Variants in CASS4 observed in about 807,000 individuals in gnomAD.
The protein encoded by CASS4 is Cas scaffold protein family member 4.
CASS4 carries 22 observed loss-of-function variants against 54.2 expected under a neutral mutation model. The observed-to-expected ratio is 0.41, with a 90% CI of 0.29 to 0.58. The LOEUF (loss-of-function observed/expected upper bound fraction) is 0.58. Ranked by LOEUF, CASS4 falls within the 20% of genes least tolerant of loss-of-function variation. CASS4 has a pLI of 0.36. For missense variants in CASS4, 854 were observed against 986.7 expected, an observed-to-expected ratio of 0.87 and a Z score of 1.80; for synonymous variants, 409 against 391.5, an observed-to-expected ratio of 1.04 and a Z score of -0.53.
intron 2 of CASS4, among the ~76,000 whole-genome samples, chr20:56,440,942 GCTCCCTTCCTTCC>G (rs1253787132): frequency 7.3e-5 from 11 of 150,744 alleles, no homozygotes; most frequent in Non-Finnish European, 3.0e-5. Flanking sequence ...CTACAAGTTT[GCTCCCTTCCTTCC>G]CTCCCTTCCT....
In CASS4 at chr20:56,414,469, G is replaced by A. The variant is rs1337467524; in HGVS notation, c.36+1975G>A. On this transcript the variant is annotated intron_variant, in intron 1 of 5. Transcript: ENST00000679887. The surrounding 1 kb of genome is among the most constrained non-coding windows in gnomAD (Gnocchi z 4.1). The stretch of plus-strand genomic sequence containing the variant: ...TTAAAAAAAATATTTTTAGCAATGG[G>A]GGTATCACTCTGTTGTCCAAGCTGG... 1.3e-5 allele frequency among the ~76,000 whole-genome samples: 2 copies of A among 151,884 alleles called. No homozygotes were observed. Among genetic ancestry groups the A allele is most frequent in the African/African-American group, 2.4e-5 (1 of 41,330 alleles).
intron 5 of CASS4, among the ~76,000 whole-genome samples, chr20:56,457,835 T>C (rs952172501): frequency 2.0e-5 from 3 of 151,994 alleles, no homozygotes; most frequent in African/African-American, 7.2e-5. Flanking sequence ...GCCAACATGG[T>C]GAAACCCCAT....
In CASS4 at chr20:56,412,743, G is replaced by A. The variant is rs963860122; in HGVS notation, c.36+249G>A. The stretch of plus-strand genomic sequence containing the variant: ...GAAATCAGCTTACTTGGTTGACAGC[G>A]CCGTCCATCATTTTGCGTCCAGCAA... On this transcript the variant is annotated intron_variant, in intron 1 of 5. Transcript: ENST00000679887. This position sits in a 1 kb window ranked among gnomAD's most constrained non-coding sequence, Gnocchi z 4.2. Among the ~76,000 whole-genome samples, 21 of 152,160 alleles carry A rather than the reference G, an allele frequency of 1.4e-4. No individual in the cohort carries two copies. Among genetic ancestry groups the A allele is most frequent in the African/African-American group, 4.6e-4 (19 of 41,444 alleles).
intron 2 of CASS4, among the ~76,000 whole-genome samples, chr20:56,441,333 G>A (rs918275212): frequency 2.6e-5 from 4 of 151,126 alleles, no homozygotes; most frequent in East Asian, 2.0e-4. Context: ...GGCTGGGTGC[G>A]GTGGCTCACA....
chr20:56,450,688 G>T lies in CASS4; in HGVS notation c.642+9G>T. ...CAGACAGCCAAGCAAGTGTAAGTAT[G>T]AAGAGGTGCTAAGGTGCGGTGTTAT... On this transcript the variant is annotated intron_variant, in intron 4 of 5. Transcript: ENST00000679887. 1.2e-6 allele frequency: 2 copies of T among 1,613,488 alleles called. No individual in the cohort carries two copies. The highest frequency in any genetic ancestry group is 1.7e-6 in the Non-Finnish European group (2 of 1,179,472).
Position 56,437,480 on chromosome 20 carries a change from G to A in CASS4, c.353G>A (p.Ser118Asn), listed in dbSNP as rs759957814. ...GGCCCCGTTTATGAGCAGATGAGGA[G>A]TTGGGCGGAGGGGCCCCAGCCCCCT... ...TPGPVYEQMR[S>N]WAEGPQPPTA... The change falls in exon 2 of 6, where the codon AGT (serine) becomes AAT (asparagine). Residue 118 changes from serine to asparagine, a missense_variant. Transcript: ENST00000679887. The surrounding 1 kb of genome is among the most constrained non-coding windows in gnomAD (Gnocchi z 4.7). The A allele has an allele frequency of 2.5e-6, 4 of 1,612,348 alleles. No individual in the cohort carries two copies. Among genetic ancestry groups the A allele is most frequent in the Non-Finnish European group, 3.4e-6 (4 of 1,179,162 alleles).
intron 5 of CASS4, among the ~76,000 whole-genome samples, chr20:56,456,528 C>A (rs934619133): frequency 6.6e-6 from 1 of 152,114 alleles, no homozygotes; most frequent in African/African-American, 2.4e-5. Context: ...CGCCTGCCAC[C>A]ACACCCGGCT....
intron 1 of CASS4, among the ~76,000 whole-genome samples, chr20:56,421,566 C>T (rs1979412985): frequency 6.6e-6 from 1 of 152,084 alleles, no homozygotes; most frequent in African/African-American, 2.4e-5. Flanking sequence ...TTTGGTGGCT[C>T]ATGCCTGTAG....
Position 56,459,020 on chromosome 20 carries a change from AAAT to A in CASS4, c.*278_*280del, listed in dbSNP as rs1198951537. 2 of 384,282 alleles carry A rather than the reference AAAT, an allele frequency of 5.2e-6. No individual in the cohort carries two copies. The highest frequency in any genetic ancestry group is 1.3e-4 in the South Asian group (2 of 15,834). 23.8% of individuals were successfully genotyped at this position (384,282 alleles called of 1,614,324 possible). A position where few individuals can be genotyped will look rare whatever the true frequency, so the allele number is the denominator to read the frequency against. On this transcript the variant is annotated 3_prime_UTR_variant, in exon 6 of 6. Transcript: ENST00000679887. ...GTATCAGCTTGAAGTGACTTCGCAGAAATAATATTTTATATTGATTAAATGTGT... is the reference window on the plus strand; with the variant it reads ...GTATCAGCTTGAAGTGACTTCGCAGAAATATTTTATATTGATTAAATGTGT...
At chr20:56,451,659 C>T (rs1262855371) in intron 4 of CASS4, among the ~76,000 whole-genome samples, 160 bp from the exon 5 acceptor site, 1 of 152,032 alleles carries the variant, frequency 6.6e-6, no homozygotes, top group African/African-American at 2.4e-5. Flanking sequence ...TGGTGGAAGT[C>T]GAAAGAAATG....
chr20:56,456,125 G>GC (rs1317181189), intron 5 of CASS4, among the ~76,000 whole-genome samples: 1 of 151,870 alleles, frequency 6.6e-6, no homozygotes, highest in African/African-American at 2.4e-5. Context: ...CTCAGTGGAG[G>GC]CCCGGGGCAC....
chr20:56,420,342 C>G (rs1179122332), intron 1 of CASS4, among the ~76,000 whole-genome samples: 1 of 152,076 alleles, frequency 6.6e-6, no homozygotes, highest in East Asian at 1.9e-4. Context: ...TGTTTGCCAT[C>G]TGGTTAACAG....
chr20:56,451,676 A>C, intron 4 of CASS4, 143 bp from the exon 5 acceptor site: 1 of 659,632 alleles, frequency 1.5e-6, no homozygotes, highest in Non-Finnish European at 2.6e-6. Context: ...AATGAGGCTC[A>C]AAAGAATCCT....
At position 56,437,212 on chromosome 20, in the gene CASS4, G is replaced by A. The variant is rs767393342; in HGVS notation, c.85G>A (p.Glu29Lys). 1.5e-5 allele frequency: 24 copies of A among 1,602,020 alleles called. No individual in the cohort carries two copies. The highest frequency in any genetic ancestry group is 2.2e-5 in the South Asian group (2 of 89,348). ...TGACAACTGCCCTGACTGCTCTGAC[G>A]AGCTGGCTTTCAGCAGAGGGGACAT... ...LYDNCPDCSDELAFSRGDILT... is the reference protein window; with the variant it reads ...LYDNCPDCSDKLAFSRGDILT... The change falls in exon 2 of 6, where the codon GAG (glutamate) becomes AAG (lysine). Residue 29 changes from glutamate to lysine, a missense_variant. Transcript: ENST00000679887. The surrounding 1 kb of genome is among the most constrained non-coding windows in gnomAD (Gnocchi z 4.7).
chr20:56,413,242 A>G (rs557462162), intron 1 of CASS4, among the ~76,000 whole-genome samples: 188 of 152,234 alleles, frequency 1.2e-3, no homozygotes, highest in African/African-American at 4.3e-3. Context: ...GACATAAAGA[A>G]AGTGAAGCTC....
chr20:56,440,559 C>T (rs1260240922), intron 2 of CASS4, among the ~76,000 whole-genome samples: 1 of 152,138 alleles, frequency 6.6e-6, no homozygotes, highest in Non-Finnish European at 1.5e-5. Context: ...ATGACAGGCT[C>T]CTACAAGGTA....
intron 1 of CASS4, among the ~76,000 whole-genome samples, chr20:56,423,326 T>C (rs1421814909): frequency 6.6e-6 from 1 of 152,180 alleles, no homozygotes; most frequent in Admixed American, 6.5e-5. Flanking sequence ...GACTCTGAGT[T>C]GACTATATAA....
intron 1 of CASS4, among the ~76,000 whole-genome samples, chr20:56,429,699 T>G (rs1407891005): frequency 6.6e-6 from 1 of 152,054 alleles, no homozygotes; most frequent in Non-Finnish European, 1.5e-5. Context: ...TGAATGCTCT[T>G]TATCTGACTA....
chr20:56,441,726 A>G (rs1367307503), intron 2 of CASS4, among the ~76,000 whole-genome samples: 1 of 152,158 alleles, frequency 6.6e-6, no homozygotes, highest in East Asian at 1.9e-4. Flanking sequence ...GGGGCAGCCA[A>G]TGTTGCACTG....
Sources: allele counts gnomAD v4.1 joint callset (sites outside exome capture counted in the v4.1 genomes callset), GRCh38; gene constraint gnomAD v4.1.1; non-coding constraint Gnocchi (gnomAD v3.1); transcripts MANE v1.5; gene names NCBI Gene and HGNC (gene_info 2026-07-23, HGNC 2026-07-21).